Variants in PLCL1 observed in about 807,000 individuals in gnomAD.
The protein encoded by PLCL1 is inactive phospholipase C-like protein 1.
PLCL1 carries 41 observed loss-of-function variants against 84.4 expected under a neutral mutation model. That is an observed-to-expected ratio of 0.49 (90% confidence interval 0.38 to 0.63). The LOEUF (loss-of-function observed/expected upper bound fraction) is 0.63, where lower values mean the gene tolerates loss of function less well. Ranked by LOEUF, PLCL1 falls within the 30% of genes least tolerant of loss-of-function variation. The pLI is 0.00. For missense variants in PLCL1, 1,206 were observed against 1,367.8 expected (o/e 0.88, Z 1.87); for synonymous variants, 490 against 488.3 (o/e 1.00, Z -0.05).
chr2:197,806,501 G>A (rs1296055852), intron 1 of PLCL1, among the ~76,000 whole-genome samples: 1 of 152,160 alleles, frequency 6.6e-6, no homozygotes, highest in African/African-American at 2.4e-5. Flanking sequence ...TCCCAACACT[G>A]ACACATGGAA....
intron 2 of PLCL1, among the ~76,000 whole-genome samples, chr2:198,087,358 A>T (rs1692911031): frequency 1.4e-5 from 2 of 142,360 alleles, no homozygotes; most frequent in Admixed American, 1.6e-4. Flanking sequence ...TGGTAAACTT[A>T]AAAAAAATTA....
intron 1 of PLCL1, among the ~76,000 whole-genome samples, chr2:198,033,946 G>A (rs932799233): frequency 6.6e-5 from 10 of 151,916 alleles, no homozygotes; most frequent in South Asian, 2.1e-4. Context: ...TGGTGCACAC[G>A]TTTCTGTTTT....
At chr2:198,055,878 C>T (rs998293868) in intron 1 of PLCL1, among the ~76,000 whole-genome samples, 1 of 152,162 alleles carries the variant, frequency 6.6e-6, no homozygotes, top group South Asian at 2.1e-4. Context: ...CACATACACA[C>T]AATGGAACCT....
chr2:198,040,950 C>T (rs924796111), intron 1 of PLCL1, among the ~76,000 whole-genome samples: 7 of 152,112 alleles, frequency 4.6e-5, no homozygotes, highest in Admixed American at 6.6e-5. Context: ...GGGCAACAAG[C>T]GAATCACAAG....
chr2:197,980,607 C>T (rs1690082821), intron 1 of PLCL1, among the ~76,000 whole-genome samples: 1 of 152,102 alleles, frequency 6.6e-6, no homozygotes, highest in East Asian at 1.9e-4. Context: ...TGAAATTGAT[C>T]CATTTAATAA....
intron 1 of PLCL1, among the ~76,000 whole-genome samples, chr2:198,058,657 C>A (rs947690834): frequency 2.0e-5 from 3 of 151,888 alleles, no homozygotes; most frequent in Admixed American, 1.3e-4. Context: ...GCAAGTTGCT[C>A]TATCTACCTG....
rs773614018 is a variant in PLCL1, at chr2:198,084,720, C to T, written c.1203C>T (p.Thr401=). 2 of 1,613,824 alleles carry T rather than the reference C, an allele frequency of 1.2e-6. No individual in the cohort carries two copies. The highest frequency in any genetic ancestry group is 1.7e-6 in the Non-Finnish European group (2 of 1,179,940). The part of the protein sequence containing the change: ...PEQKKVAQDM[T]QPLSHYYINA... Reference sequence around the variant, plus strand: ...AAAAGAAGGTTGCCCAAGATATGACCCAGCCATTATCTCACTACTATATCA... The same window carrying T: ...AAAAGAAGGTTGCCCAAGATATGACTCAGCCATTATCTCACTACTATATCA... Residue 401 remains threonine (T), a synonymous_variant, in exon 2 of 6, where the codon ACC becomes ACT. Coordinates refer to ENST00000428675, the MANE Select transcript of PLCL1 (RefSeq NM_006226.4).
intron 5 of PLCL1, among the ~76,000 whole-genome samples, chr2:198,113,652 C>G (rs949828652): frequency 2.6e-5 from 4 of 151,800 alleles, no homozygotes; most frequent in South Asian, 2.1e-4. Context: ...TGCCTTGTAT[C>G]TTGATACTTG....
Position 198,084,199 on chromosome 2 carries a change from C to T in PLCL1, c.682C>T (p.Pro228Ser), listed in dbSNP as rs759874023. 17 of 1,614,014 alleles carry T rather than the reference C, an allele frequency of 1.1e-5. No homozygotes were observed. Among genetic ancestry groups the T allele is most frequent in the African/African-American group, 2.7e-5 (2 of 74,986 alleles). ...GTACCTGGTTTCTCGAAGTAAGCAG[C>T]CTCTTGATTTTATGGAGGGCAACCA... ...LRYLVSRSKQ[P>S]LDFMEGNQNT... The change falls in exon 2 of 6, where the codon CCT becomes TCT. Residue 228 changes from proline (P) to serine (S), a missense_variant. Physicochemically the swap from Pro to Ser is moderately conservative, Grantham distance 74. Coordinates refer to ENST00000428675, the MANE Select transcript of PLCL1 (RefSeq NM_006226.4).
chr2:197,822,937 T>C lies in PLCL1; in HGVS notation c.240+17598T>C, dbSNP rs142961183. Among the ~76,000 whole-genome samples, 1,205 of 152,276 alleles carry C rather than the reference T, an allele frequency of 7.9e-3. 17 individuals are homozygous for C. The highest frequency in any genetic ancestry group is 0.028 in the African/African-American group (1,156 of 41,564). ...CCTGAATTTGAGAGGATATGATGAGTTCACCAAAGGTAGGCTTGATATGGC... is the reference window on the plus strand; with the variant it reads ...CCTGAATTTGAGAGGATATGATGAGCTCACCAAAGGTAGGCTTGATATGGC... On this transcript the variant is annotated intron_variant, in intron 1 of 5. Coordinates refer to ENST00000428675, the MANE Select transcript of PLCL1 (RefSeq NM_006226.4).
chr2:197,839,080 A>G (rs932344759), intron 1 of PLCL1, among the ~76,000 whole-genome samples: 1 of 152,214 alleles, frequency 6.6e-6, no homozygotes, highest in Non-Finnish European at 1.5e-5. Flanking sequence ...AGAAGAATTT[A>G]ATACCACATT....
chr2:197,893,387 G>A (rs1688068511), intron 1 of PLCL1, among the ~76,000 whole-genome samples: 1 of 152,198 alleles, frequency 6.6e-6, no homozygotes, highest in African/African-American at 2.4e-5. Flanking sequence ...TTTGTTGTCA[G>A]ATTTGGGAGT....
At chr2:197,807,207 A>G (rs572814544) in intron 1 of PLCL1, among the ~76,000 whole-genome samples, 1 of 152,328 alleles carries the variant, frequency 6.6e-6, no homozygotes, top group South Asian at 2.1e-4. Context: ...AGACCCTCAG[A>G]CACTCCACAT....
intron 1 of PLCL1, among the ~76,000 whole-genome samples, chr2:197,819,322 C>T (rs1051776168): frequency 1.3e-5 from 2 of 152,020 alleles, no homozygotes; most frequent in African/African-American, 2.4e-5. Context: ...GTAGAGAAGA[C>T]CTTGAATTAA....
At chr2:197,897,147 C>A in intron 1 of PLCL1, among the ~76,000 whole-genome samples, 1 of 31,362 alleles carries the variant, frequency 3.2e-5, no homozygotes, top group South Asian at 1.3e-3. Flanking sequence ...TCTTCTTCTT[C>A]TTCTTCTTCT....
At chr2:197,896,690 C>A (rs1645320647) in intron 1 of PLCL1, among the ~76,000 whole-genome samples, 1 of 151,962 alleles carries the variant, frequency 6.6e-6, no homozygotes, top group Admixed American at 6.6e-5. Flanking sequence ...TATAAGCCAC[C>A]AGTTTTGCTG....
chr2:197,988,626 A>G (rs941031335), intron 1 of PLCL1, among the ~76,000 whole-genome samples: 1 of 152,196 alleles, frequency 6.6e-6, no homozygotes, highest in Non-Finnish European at 1.5e-5. Context: ...TCATTGATTG[A>G]TGGGAACTTA....
chr2:197,835,621 A>G (rs943104395), intron 1 of PLCL1, among the ~76,000 whole-genome samples: 25 of 152,322 alleles, frequency 1.6e-4, no homozygotes, highest in African/African-American at 6.0e-4. Flanking sequence ...GCTTTCTGTC[A>G]TATTTAGTTT....
chr2:198,021,621 T>C (rs1250919175), intron 1 of PLCL1, among the ~76,000 whole-genome samples: 3 of 152,082 alleles, frequency 2.0e-5, no homozygotes, highest in Admixed American at 1.3e-4. Flanking sequence ...AACACCTCTA[T>C]GCAAATAAAC....
Sources: gnomAD v4.1 joint callset for allele counts (sites outside exome capture counted in the v4.1 genomes callset) on GRCh38, gnomAD v4.1.1 for gene constraint, MANE v1.5 for transcripts, NCBI Gene and HGNC (gene_info 2026-07-23, HGNC 2026-07-21) for gene names.